Variants in RBFOX3 observed in about 807,000 individuals in gnomAD.
RBFOX3 encodes the protein RNA binding protein fox-1 homolog 3.
RBFOX3 carries 17 observed loss-of-function variants against 48.7 expected under a neutral mutation model. The ratio of observed to expected loss-of-function variants is 0.35; its 90% CI spans 0.24 to 0.52. The LOEUF is 0.52. Among genes scored for constraint, RBFOX3 ranks in the 20% least tolerant of loss-of-function variants. RBFOX3 has a pLI of 0.94. For synonymous variants in RBFOX3, 212 were observed against 209.5 expected (o/e 1.01, Z -0.10); for missense variants, 382 against 497.5 (o/e 0.77, Z 2.21).
chr17:79,271,756 T>TA (rs35700081), intron 3 of RBFOX3, among the ~76,000 whole-genome samples: 94,990 of 152,042 alleles, frequency 0.62, 30,081 homozygotes, highest in East Asian at 0.8. Context: ...ACACTGGTCC[T>TA]AAAGGGTACA....
At chr17:79,354,637 T>G (rs1356170469) in intron 2 of RBFOX3, among the ~76,000 whole-genome samples, 1 of 152,250 alleles carries the variant, frequency 6.6e-6, no homozygotes, top group East Asian at 1.9e-4. Flanking sequence ...TGGAACAGAC[T>G]GCGCGTTCAG....
At chr17:79,165,923 C>A (rs563613775) in intron 4 of RBFOX3, among the ~76,000 whole-genome samples, 15 of 152,200 alleles carry the variant, frequency 9.9e-5, no homozygotes, top group African/African-American at 3.6e-4. Flanking sequence ...TGACACGCGG[C>A]GGGGTTGCTG....
At chr17:79,162,396 G>A (rs947157578) in intron 4 of RBFOX3, among the ~76,000 whole-genome samples, 1 of 152,082 alleles carries the variant, frequency 6.6e-6, no homozygotes, top group East Asian at 1.9e-4. Flanking sequence ...GGAGTGCCGC[G>A]CCCAGCCCTG....
chr17:79,605,425 G>A (rs1241195162), intron 1 of RBFOX3, among the ~76,000 whole-genome samples: 5 of 152,180 alleles, frequency 3.3e-5, no homozygotes, highest in South Asian at 2.1e-4. Context: ...CACCTTCCTC[G>A]CCAGCTGGCT....
rs984839067 is a variant in RBFOX3, at chr17:79,528,637, G to A, written c.-319-46039C>T. Among the ~76,000 whole-genome samples, 1,039 of 152,056 alleles carry A rather than the reference G, an allele frequency of 6.8e-3. 7 individuals are homozygous for A. Among genetic ancestry groups the A allele is most frequent in the Non-Finnish European group, 0.011 (738 of 67,984 alleles). On this transcript the variant is annotated intron_variant, in intron 1 of 14. Coordinates refer to ENST00000693108, the MANE Select transcript of RBFOX3 (RefSeq NM_001350451.2). ...GTGGGCCCTACATCCAATATAACTG[G>A]TGTTGTCCCAAGGAGAGGAGGGGAT...
chr17:79,141,819 AACAG>A (rs1353895072), intron 4 of RBFOX3, among the ~76,000 whole-genome samples: 2 of 152,140 alleles, frequency 1.3e-5, no homozygotes, highest in African/African-American at 4.8e-5. Context: ...TCGCAAGCAA[AACAG>A]ACAGTGATGC....
In RBFOX3 at chr17:79,103,467, A is replaced by AG. The variant is rs1033726544; in HGVS notation, c.415-214dup. 5.9e-5 allele frequency among the ~76,000 whole-genome samples: 9 copies of AG among 152,088 alleles called. No individual in the cohort carries two copies. The highest frequency in any genetic ancestry group is 2.1e-4 in the South Asian group (1 of 4,834). On this transcript the variant is annotated intron_variant, in intron 7 of 14. Coordinates refer to ENST00000693108, the MANE Select transcript of RBFOX3 (RefSeq NM_001350451.2). This position sits in a 1 kb window ranked among gnomAD's most constrained non-coding sequence, Gnocchi z 6.1. The stretch of plus-strand genomic sequence containing the variant: ...GGATGCCAGGAGGGGTATGGGCCCC[A>AG]GGGGGGCAGCTGCTGACCCAGCCTG...
chr17:79,404,975 T>C (rs1469984864), intron 2 of RBFOX3, among the ~76,000 whole-genome samples: 2 of 152,092 alleles, frequency 1.3e-5, no homozygotes, highest in East Asian at 1.9e-4. Context: ...CTCCAGGAAA[T>C]CAAAGGCCTG....
upstream of RBFOX3, among the ~76,000 whole-genome samples, chr17:79,611,169 T>TCTCTCTCTCTCTCTCGCTCTCG: frequency 2.5e-3 from 66 of 25,922 alleles, 12 homozygotes; most frequent in South Asian, 5.3e-3. Context: ...TCTCTCTCTC[T>TCTCTCTCTCTCTCTCGCTCTCG]CTCTCCGCCC....
intron 4 of RBFOX3, among the ~76,000 whole-genome samples, chr17:79,179,282 C>T: frequency 6.6e-6 from 1 of 152,230 alleles, no homozygotes; most frequent in Non-Finnish European, 1.5e-5. Flanking sequence ...CCTTTGGGTT[C>T]CACAACCAGA....
rs1203043639 is a variant in RBFOX3 at position 79,481,871 on chromosome 17, TG to T, written c.-175+582del. 6.6e-6 allele frequency among the ~76,000 whole-genome samples: 1 copy of T among 152,194 alleles called. No individual in the cohort carries two copies. The highest frequency in any genetic ancestry group is 6.5e-5 in the Admixed American group (1 of 15,286). ...ATTTGCCACTGGTCACAAGTGCAGGTGACCCTGGCAGCTTGCATTCGAAGTG... is the reference window on the plus strand; with the variant it reads ...ATTTGCCACTGGTCACAAGTGCAGGTACCCTGGCAGCTTGCATTCGAAGTG... On this transcript the variant is annotated intron_variant, in intron 2 of 14. Transcript: ENST00000693108. The surrounding 1 kb of genome is among the most constrained non-coding windows in gnomAD (Gnocchi z 5.4).
chr17:79,574,150 A>C (rs923338223), intron 1 of RBFOX3, among the ~76,000 whole-genome samples: 4 of 152,156 alleles, frequency 2.6e-5, no homozygotes, highest in South Asian at 4.1e-4. Flanking sequence ...ATCCCTCTCA[A>C]CCCTTAGGAT....
chr17:79,288,610 G>A (rs1042690320), intron 3 of RBFOX3, among the ~76,000 whole-genome samples: 3 of 151,924 alleles, frequency 2.0e-5, no homozygotes, highest in African/African-American at 4.8e-5. Flanking sequence ...TCCCTCGCCC[G>A]TCATCCCAGA....
chr17:79,560,807 C>T (rs2092162737), intron 1 of RBFOX3, among the ~76,000 whole-genome samples: 1 of 152,224 alleles, frequency 6.6e-6, no homozygotes, highest in Non-Finnish European at 1.5e-5. Context: ...TTCAGCCTGT[C>T]ACTGGGTGGC....
intron 1 of RBFOX3, among the ~76,000 whole-genome samples, chr17:79,592,490 T>A (rs1223225961): frequency 3.3e-5 from 5 of 151,950 alleles, no homozygotes; most frequent in African/African-American, 1.2e-4. Context: ...GTACGTGCGT[T>A]TATGCAGTGT....
chr17:79,461,445 C>A (rs898734992), intron 2 of RBFOX3, among the ~76,000 whole-genome samples: 1 of 152,214 alleles, frequency 6.6e-6, no homozygotes, highest in Non-Finnish European at 1.5e-5. Context: ...GCATCTCCAA[C>A]CATTTCCGCC....
At chr17:79,582,714 T>C (rs1385570677) in intron 1 of RBFOX3, among the ~76,000 whole-genome samples, 3 of 143,638 alleles carry the variant, frequency 2.1e-5, no homozygotes, top group African/African-American at 7.9e-5. Flanking sequence ...GCCCGGGATG[T>C]TGAGGCTACA....
chr17:79,300,744 G>A (rs977325394), intron 3 of RBFOX3, among the ~76,000 whole-genome samples: 12 of 152,130 alleles, frequency 7.9e-5, no homozygotes, highest in African/African-American at 2.9e-4. Context: ...CCGACGTTTC[G>A]AGACTCTGGG....
chr17:79,459,754 G>C (rs1199889086), intron 2 of RBFOX3, among the ~76,000 whole-genome samples: 1 of 152,208 alleles, frequency 6.6e-6, no homozygotes, highest in Non-Finnish European at 1.5e-5. Context: ...TGATGGTGAG[G>C]TTGGGGGAGA....
Sources: gnomAD v4.1 joint callset for allele counts (sites outside exome capture counted in the v4.1 genomes callset) on GRCh38, gnomAD v4.1.1 for gene constraint, Gnocchi (gnomAD v3.1) non-coding constraint, MANE v1.5 for transcripts, NCBI Gene and HGNC (gene_info 2026-07-23, HGNC 2026-07-21) for gene names.